Variants in OPRL1 observed in about 807,000 individuals in gnomAD.
OPRL1 encodes nociceptin receptor.
Under a neutral mutation model 15.5 loss-of-function variants are expected in OPRL1, and 5 were observed. The observed-to-expected ratio is 0.32, with a 90% confidence interval of 0.17 to 0.68. The LOEUF is 0.68. OPRL1 is among the 30% of genes least tolerant of loss of function. The pLI, the probability that OPRL1 is intolerant of heterozygous loss-of-function variation, is 0.72. For synonymous variants in OPRL1, 223 were observed against 230.2 expected (o/e 0.97, Z 0.28); for missense variants, 406 against 515.3 (o/e 0.79, Z 2.05).
chr20:64,092,619 C>T, intron 2 of OPRL1, 69 bp from the exon 3 acceptor site: 1 of 1,258,610 alleles, frequency 7.9e-7, no homozygotes, highest in South Asian at 1.4e-5. Flanking sequence ...GCTGCACGTG[C>T]TGGGTTGTGA....
chr20:64,093,369 G>C (rs927642686), intron 3 of OPRL1, among the ~76,000 whole-genome samples: 1 of 147,280 alleles, frequency 6.8e-6, no homozygotes, highest in African/African-American at 2.5e-5. Context: ...ACCCCTCTCA[G>C]GCTCCAGGGC....
At chr20:64,084,730 G>T (rs1481192365) in intron 1 of OPRL1, among the ~76,000 whole-genome samples, 6 of 152,284 alleles carry the variant, frequency 3.9e-5, no homozygotes, top group Non-Finnish European at 1.5e-5. Flanking sequence ...AGGAGGGAGG[G>T]TCCAAAAGCC....
In OPRL1 at chr20:64,083,346, G is replaced by A; in HGVS notation, c.-185+2994G>A. 1 of 1,584,902 alleles carries A rather than the reference G, an allele frequency of 6.3e-7. No individual in the cohort carries two copies. The highest frequency in any genetic ancestry group is 8.6e-7 in the Non-Finnish European group (1 of 1,161,358). On this transcript the variant is annotated intron_variant, in intron 1 of 4. Coordinates refer to ENST00000336866, the MANE Select transcript of OPRL1 (RefSeq NM_182647.4). The surrounding 1 kb of genome is among the most constrained non-coding windows in gnomAD (Gnocchi z 4.9). ...TACTCCCCGCTTCCCTCGGGGTCCT[G>A]GGGAGTGGCAGCAAAAAGACCAGCG...
intron 3 of OPRL1, among the ~76,000 whole-genome samples, chr20:64,096,517 G>A (rs1212407599): frequency 2.0e-5 from 3 of 152,082 alleles, no homozygotes; most frequent in African/African-American, 7.3e-5. Flanking sequence ...CTTGGCACAG[G>A]TATTTGCCAT....
chr20:64,088,022 CT>C (rs2060068015), intron 1 of OPRL1, among the ~76,000 whole-genome samples: 1 of 152,244 alleles, frequency 6.6e-6, no homozygotes, highest in Admixed American at 6.5e-5. Context: ...CCAGGCCTGT[CT>C]TTCACTCTAA....
intron 1 of OPRL1, among the ~76,000 whole-genome samples, chr20:64,082,843 C>G: frequency 7.0e-6 from 1 of 143,666 alleles, no homozygotes; most frequent in Non-Finnish European, 1.5e-5. Context: ...GGGGGTGTGG[C>G]ATGGGGCATT....
chr20:64,082,086 A>G (rs1421891777), intron 1 of OPRL1, among the ~76,000 whole-genome samples: 1 of 152,228 alleles, frequency 6.6e-6, no homozygotes, highest in Non-Finnish European at 1.5e-5. Context: ...CCCAAGACAC[A>G]GAATCCTGGG....
rs776730924 is a variant in OPRL1, at chr20:64,083,948, G to A, written c.-185+3596G>A. 6.8e-6 allele frequency: 10 copies of A among 1,463,516 alleles called. No individual in the cohort carries two copies. The highest frequency in any genetic ancestry group is 2.3e-4 in the Middle Eastern group (1 of 4,314). The allele number at this position is 1,463,516 out of a possible 1,614,324, so 90.7% of individuals were successfully genotyped here. On this transcript the variant is annotated intron_variant, in intron 1 of 4. Coordinates refer to ENST00000336866, the MANE Select transcript of OPRL1 (RefSeq NM_182647.4). The surrounding 1 kb of genome is among the most constrained non-coding windows in gnomAD (Gnocchi z 4.9). The stretch of plus-strand genomic sequence containing the variant: ...CGACTGCGTCCACGGGCGCGGGTCG[G>A]GCATGCGGTACCCCGGTTCCACCGA...
At position 64,098,890 on chromosome 20, in the gene OPRL1, G is replaced by C; in HGVS notation, c.*91G>C. The C allele has an allele frequency of 6.9e-7, 1 of 1,454,782 alleles. No homozygotes were observed. Among genetic ancestry groups the C allele is most frequent in the Non-Finnish European group, 9.1e-7 (1 of 1,100,434 alleles). The allele number at this position is 1,454,782 out of a possible 1,614,324, so 90.1% of individuals were successfully genotyped here. A position where few individuals can be genotyped will look rare whatever the true frequency, so the allele number is the denominator to read the frequency against. ...CACACAGGTCACTGCTCTCTAGGCG[G>C]ACACACCCTGGGCCCTGAGCATCCA... On this transcript the variant is annotated 3_prime_UTR_variant, in exon 5 of 5. Transcript: ENST00000336866.
chr20:64,087,670 G>A (rs1258080051), intron 1 of OPRL1, among the ~76,000 whole-genome samples: 1 of 152,192 alleles, frequency 6.6e-6, no homozygotes, highest in African/African-American at 2.4e-5. Context: ...TTCGTGTCTT[G>A]GGCTATCCCT....
Position 64,083,433 on chromosome 20 carries a change from C to T in OPRL1, c.-185+3081C>T, listed in dbSNP as rs372961279. On this transcript the variant is annotated intron_variant, in intron 1 of 4. Coordinates refer to ENST00000336866, the MANE Select transcript of OPRL1 (RefSeq NM_182647.4). This position sits in a 1 kb window ranked among gnomAD's most constrained non-coding sequence, Gnocchi z 4.9. The stretch of plus-strand genomic sequence containing the variant: ...GGGCGCGTCGCACACTCTCAGTCGC[C>T]GTCACCGCGGGAAGATGGTGCCATC... 3.1e-6 allele frequency: 5 copies of T among 1,611,270 alleles called. No individual in the cohort carries two copies. The highest frequency in any genetic ancestry group is 3.4e-6 in the Non-Finnish European group (4 of 1,179,364).
At chr20:64,096,111 G>A (rs1979083613) in intron 3 of OPRL1, among the ~76,000 whole-genome samples, 1 of 152,148 alleles carries the variant, frequency 6.6e-6, no homozygotes, top group Non-Finnish European at 1.5e-5. Flanking sequence ...GCAGCCTGGG[G>A]AAGTCCCTGG....
At position 64,083,612 on chromosome 20, in the gene OPRL1, G is replaced by A. The variant is rs2059996758; in HGVS notation, c.-185+3260G>A. The A allele has an allele frequency of 1.4e-6, 2 of 1,478,170 alleles. No individual in the cohort carries two copies. Among genetic ancestry groups the A allele is most frequent in the East Asian group, 5.3e-5 (2 of 37,550 alleles). The allele number at this position is 1,478,170 out of a possible 1,614,324, so 91.6% of individuals were successfully genotyped here. A position where few individuals can be genotyped will look rare whatever the true frequency, so the allele number is the denominator to read the frequency against. On this transcript the variant is annotated intron_variant, in intron 1 of 4. Transcript: ENST00000336866. The surrounding 1 kb of genome is among the most constrained non-coding windows in gnomAD (Gnocchi z 4.9). ...TGGCGGTCCAGGGGGTCCGGGATCC[G>A]CGCGGGCTTCAGCTGCGGCGGCAGG...
intron 1 of OPRL1, chr20:64,084,246 C>A (rs1257996761): frequency 1.5e-6 from 2 of 1,356,540 alleles, no homozygotes; most frequent in African/African-American, 1.5e-5. Flanking sequence ...GGGAGGAGGG[C>A]GTCCCGTCGG....
intron 1 of OPRL1, chr20:64,086,530 C>T (rs979258630): frequency 2.5e-5 from 5 of 197,388 alleles, no homozygotes; most frequent in Non-Finnish European, 5.8e-5. Flanking sequence ...CAAGGGCTAA[C>T]GGAAATGCTG....
In OPRL1 at chr20:64,098,004, G is replaced by A; in HGVS notation, c.436G>A (p.Val146Met). 1.2e-6 allele frequency: 2 copies of A among 1,613,654 alleles called. No homozygotes were observed. The highest frequency in any genetic ancestry group is 4.5e-5 in the East Asian group (2 of 44,882). Residue 146 changes from valine to methionine, a missense_variant, in exon 4 of 5, where the codon GTG (valine) becomes ATG (methionine). Coordinates refer to ENST00000336866, the MANE Select transcript of OPRL1 (RefSeq NM_182647.4). Reference protein sequence around the residue: ...TSTFTLTAMSVDRYVAICHPI... With the variant: ...TSTFTLTAMSMDRYVAICHPI... ...CACCTTCACCCTAACTGCCATGAGT[G>A]TGGATCGCTATGTAGCCATCTGCCA...
Position 64,082,635 on chromosome 20 carries a change from G to A in OPRL1, c.-185+2283G>A, listed in dbSNP as rs370134629. Among the ~76,000 whole-genome samples the A allele has an allele frequency of 1.2e-3, 177 of 152,316 alleles. 5 individuals carry two copies. In the South Asian group the frequency reaches 0.036, roughly 31 times the overall value. On this transcript the variant is annotated intron_variant, in intron 1 of 4. Coordinates refer to ENST00000336866, the MANE Select transcript of OPRL1 (RefSeq NM_182647.4). ...CTGGGAGGGAGGAAAAGGAAGCGGGGGCCTAGGGAAGCCCCAGCGTCTGCA... is the reference window on the plus strand; with the variant it reads ...CTGGGAGGGAGGAAAAGGAAGCGGGAGCCTAGGGAAGCCCCAGCGTCTGCA...
At chr20:64,098,206 G>T in intron 4 of OPRL1, 49 bp downstream of exon 4, 1 of 1,604,304 alleles carries the variant, frequency 6.2e-7, no homozygotes. Context: ...TGGCTCCCGG[G>T]TGGCTCCTCT....
Position 64,097,856 on chromosome 20 carries a change from C to G in OPRL1, c.288C>G (p.Ala96=). The change falls in exon 4 of 5, where the codon GCC becomes GCG. Residue 96 remains alanine, a synonymous_variant. Transcript: ENST00000336866. This position sits in a 1 kb window ranked among gnomAD's most constrained non-coding sequence, Gnocchi z 4.2. The part of the protein sequence containing the change: ...TNIYIFNLAL[A]DTLVLLTLPF... ...TTTACATCTTTAACCTGGCCCTGGC[C>G]GACACTCTGGTCCTGCTGACGCTGC... 6.2e-7 allele frequency: 1 copy of G among 1,613,582 alleles called. No homozygotes were observed. The highest frequency in any genetic ancestry group is 8.5e-7 in the Non-Finnish European group (1 of 1,180,006).
Sources: gnomAD v4.1 joint callset for allele counts (sites outside exome capture counted in the v4.1 genomes callset) on GRCh38, gnomAD v4.1.1 for gene constraint, Gnocchi (gnomAD v3.1) non-coding constraint, MANE v1.5 for transcripts, NCBI Gene and HGNC (gene_info 2026-07-23, HGNC 2026-07-21) for gene names.